The following GABRG3 variants were observed in gnomAD, a reference collection of about 807,000 sequenced individuals.
The protein encoded by GABRG3 is gamma-aminobutyric acid type A receptor subunit gamma3, also known as gamma-aminobutyric acid receptor subunit gamma-3.
A neutral mutation model predicts 48.8 loss-of-function variants in GABRG3; 25 were observed. The observed-to-expected ratio is 0.51, with a 90% CI of 0.37 to 0.72. GABRG3 has a LOEUF of 0.72. GABRG3 is among the 30% of genes least tolerant of loss of function. GABRG3 has a pLI of 0.00. For missense variants in GABRG3, 394 were observed against 577.9 expected (o/e 0.68, Z 3.26); for synonymous variants, 227 against 217.6 (o/e 1.04, Z -0.38).
Position 26,971,603 on chromosome 15 carries a change from G to A in GABRG3, c.53+15G>A, listed in dbSNP as rs780034726. The A allele has an allele frequency of 5.2e-6, 8 of 1,524,578 alleles. No homozygotes were observed. In the East Asian group the frequency reaches 1.8e-4, roughly 35 times the overall value. The allele number at this position is 1,524,578 out of a possible 1,614,324, so 94.4% of individuals were successfully genotyped here. A position where few individuals can be genotyped will look rare whatever the true frequency, so the allele number is the denominator to read the frequency against. On this transcript the variant is annotated intron_variant, in intron 1 of 9. Coordinates refer to ENST00000615808, the MANE Select transcript of GABRG3 (RefSeq NM_033223.5). ...TTGCACGCGCGGTAAGTGGCGCGGG[G>A]GCCGCATCCCCGGAGGCCCCGAGCT... is the stretch of plus-strand genomic sequence containing the variant.
At chr15:27,053,221 T>G (rs184275677) in intron 3 of GABRG3, among the ~76,000 whole-genome samples, 2 of 152,104 alleles carry the variant, frequency 1.3e-5, no homozygotes, top group Non-Finnish European at 1.5e-5. Context: ...ACCCACAGAA[T>G]GGGAGAAAAT....
chr15:27,388,108 G>GT lies in GABRG3; in HGVS notation c.574+59220_574+59221insT. ...AAAGGAGGGAGGAAAGGGAGGGAGG[G>GT]AAAAGAAGGAAGGAAGGAAAGGAGG... On this transcript the variant is annotated intron_variant, in intron 5 of 9. Coordinates refer to ENST00000615808, the MANE Select transcript of GABRG3 (RefSeq NM_033223.5). Among the ~76,000 whole-genome samples, 4 of 64,082 alleles carry GT rather than the reference G, an allele frequency of 6.2e-5. 1 individual carries two copies. In the South Asian group the frequency reaches 1.9e-3, roughly 30 times the overall value. 42.0% of individuals were successfully genotyped at this position (64,082 alleles called of 152,430 possible).
chr15:27,066,120 C>T (rs1429355076), intron 3 of GABRG3, among the ~76,000 whole-genome samples: 1 of 152,198 alleles, frequency 6.6e-6, no homozygotes, highest in Non-Finnish European at 1.5e-5. Flanking sequence ...GTCTGGAAAA[C>T]ATCCTTTGGT....
At chr15:27,316,964 A>G (rs918675725) in intron 3 of GABRG3, among the ~76,000 whole-genome samples, 1 of 152,318 alleles carries the variant, frequency 6.6e-6, no homozygotes, top group Admixed American at 6.5e-5. Flanking sequence ...AGTACTGTCT[A>G]TTGTTTATAC....
chr15:27,164,288 G>A (rs1887301419), intron 3 of GABRG3, among the ~76,000 whole-genome samples: 1 of 152,114 alleles, frequency 6.6e-6, no homozygotes, highest in Non-Finnish European at 1.5e-5. Flanking sequence ...TTACATGTCA[G>A]TCCTGAATAT....
intron 5 of GABRG3, among the ~76,000 whole-genome samples, chr15:27,389,767 C>T (rs1372709967): frequency 2.0e-5 from 3 of 152,188 alleles, no homozygotes; most frequent in African/African-American, 4.8e-5. Flanking sequence ...AACAAACCAA[C>T]CAAGTATTTG....
intron 3 of GABRG3, among the ~76,000 whole-genome samples, chr15:27,303,164 A>G (rs1446916746): frequency 1.3e-5 from 2 of 151,796 alleles, no homozygotes; most frequent in East Asian, 3.9e-4. Context: ...CAGTAGATGA[A>G]ATTAGTGAAA....
At chr15:27,090,463 A>G (rs2140754412) in intron 3 of GABRG3, among the ~76,000 whole-genome samples, 1 of 152,276 alleles carries the variant, frequency 6.6e-6, no homozygotes, top group South Asian at 2.1e-4. Context: ...AAACTGCCAA[A>G]GTGTTTTCTA....
intron 3 of GABRG3, among the ~76,000 whole-genome samples, chr15:27,308,083 T>G (rs1421026722): frequency 7.6e-6 from 1 of 132,382 alleles, no homozygotes. Flanking sequence ...TGTTTATACA[T>G]CCAAACATAT....
intron 3 of GABRG3, among the ~76,000 whole-genome samples, chr15:27,132,181 G>A (rs1438710797): frequency 1.3e-5 from 2 of 151,890 alleles, no homozygotes; most frequent in Non-Finnish European, 2.9e-5. Context: ...CTGTGCTTCT[G>A]AAATTTTATC....
At chr15:27,266,565 T>C (rs1890927672) in intron 3 of GABRG3, among the ~76,000 whole-genome samples, 1 of 152,194 alleles carries the variant, frequency 6.6e-6, no homozygotes, top group Non-Finnish European at 1.5e-5. Flanking sequence ...GCCTGTCAAT[T>C]TCTAAAAAAT....
chr15:27,001,888 G>GTTTTTTTTTTTTTTTTTTTTTTTTTTT (rs60516105), intron 2 of GABRG3, among the ~76,000 whole-genome samples: 6 of 121,210 alleles, frequency 5.0e-5, no homozygotes, highest in African/African-American at 1.3e-4. Context: ...CCATAACTCA[G>GTTTTTTTTTTTTTTTTTTTTTTTTTTT]TTTTTTTTTT....
intron 6 of GABRG3, among the ~76,000 whole-genome samples, chr15:27,512,234 G>GTAT (rs942383165): frequency 4.6e-5 from 7 of 152,094 alleles, no homozygotes; most frequent in Admixed American, 1.3e-4. Flanking sequence ...ATATTATATT[G>GTAT]TATTATTATT....
intron 3 of GABRG3, among the ~76,000 whole-genome samples, chr15:27,234,715 A>T (rs1178926329): frequency 6.6e-6 from 1 of 152,110 alleles, no homozygotes; most frequent in East Asian, 1.9e-4. Flanking sequence ...TCAGCAGTGA[A>T]ATCTTTATAT....
At chr15:27,252,017 A>G (rs1782868213) in intron 3 of GABRG3, among the ~76,000 whole-genome samples, 1 of 152,204 alleles carries the variant, frequency 6.6e-6, no homozygotes, top group African/African-American at 2.4e-5. Flanking sequence ...TTCAGTGCAG[A>G]TGTGCCCGCT....
At chr15:27,054,464 A>G (rs1418668907) in intron 3 of GABRG3, among the ~76,000 whole-genome samples, 3 of 152,174 alleles carry the variant, frequency 2.0e-5, no homozygotes, top group Non-Finnish European at 4.4e-5. Context: ...ACTGGAAAAA[A>G]CTGTAAAAGT....
chr15:27,259,107 T>C (rs1890700896), intron 3 of GABRG3, among the ~76,000 whole-genome samples: 1 of 152,234 alleles, frequency 6.6e-6, no homozygotes, highest in Admixed American at 6.5e-5. Context: ...TGGTATTCCA[T>C]GTATACACCA....
chr15:27,418,277 A>G (rs1361383098), intron 5 of GABRG3, among the ~76,000 whole-genome samples: 1 of 152,232 alleles, frequency 6.6e-6, no homozygotes, highest in Admixed American at 6.5e-5. Flanking sequence ...GTGAGGGGAA[A>G]ATGGGAAGGG....
intron 2 of GABRG3, among the ~76,000 whole-genome samples, chr15:27,016,234 TTCTTTC>T (rs1326695049): frequency 8.4e-5 from 10 of 119,666 alleles, no homozygotes; most frequent in African/African-American, 3.0e-4. Flanking sequence ...CTTTCTTTCT[TTCTTTC>T]TTTTTTTTTT....
Sources: allele counts gnomAD v4.1 joint callset (sites outside exome capture counted in the v4.1 genomes callset), GRCh38; gene constraint gnomAD v4.1.1; transcripts MANE v1.5; gene names NCBI Gene and HGNC (gene_info 2026-07-23, HGNC 2026-07-21).